RAB11FIP1: variants seen among roughly 807,000 people sequenced by gnomAD.
The protein encoded by RAB11FIP1 is rab11 family-interacting protein 1.
Under a neutral mutation model 83.1 loss-of-function variants are expected in RAB11FIP1, and 49 were observed. The observed-to-expected ratio is 0.59, with a 90% CI of 0.47 to 0.75. RAB11FIP1 has a LOEUF of 0.75. Among genes scored for constraint, RAB11FIP1 ranks in the 30% least tolerant of loss-of-function variants. The pLI, the probability that RAB11FIP1 is intolerant of heterozygous loss-of-function variation, is 0.00. For synonymous variants in RAB11FIP1, 670 were observed against 656.0 expected (o/e 1.02, Z -0.33); for missense variants, 1,536 against 1,598.7 (o/e 0.96, Z 0.67).
At chr8:37,878,756 T>C (rs2130165454) in intron 1 of RAB11FIP1, among the ~76,000 whole-genome samples, 1 of 150,282 alleles carries the variant, frequency 6.7e-6, no homozygotes, top group African/African-American at 2.4e-5. Flanking sequence ...TCCCAGAGAT[T>C]TGGGAGCCTG....
At position 37,862,685 on chromosome 8, in the gene RAB11FIP1, T is replaced by G. The variant is rs1563364049; in HGVS notation, c.*210A>C. 7 of 523,206 alleles carry G rather than the reference T, an allele frequency of 1.3e-5. No individual in the cohort carries two copies. The allele number at this position is 523,206 out of a possible 1,614,324, so 32.4% of individuals were successfully genotyped here. A position where few individuals can be genotyped will look rare whatever the true frequency, so the allele number is the denominator to read the frequency against. ...ACCTTGTTAAAGGCACAGTGGCATT[T>G]AAAACTAAAGCCTTGGGAATGTACA... On this transcript the variant is annotated 3_prime_UTR_variant, in exon 6 of 6. Coordinates refer to ENST00000330843, the MANE Select transcript of RAB11FIP1 (RefSeq NM_001002814.3).
rs1807155628 is a variant in RAB11FIP1 at position 37,899,046 on chromosome 8, C to A, written c.371+25G>T. 5.5e-6 allele frequency: 8 copies of A among 1,449,170 alleles called. No homozygotes were observed. The highest frequency in any genetic ancestry group is 2.8e-5 in the East Asian group (1 of 35,556). The allele number at this position is 1,449,170 out of a possible 1,614,324, so 89.8% of individuals were successfully genotyped here. A position where few individuals can be genotyped will look rare whatever the true frequency, so the allele number is the denominator to read the frequency against. On this transcript the variant is annotated intron_variant, in intron 1 of 5. Transcript: ENST00000330843. The surrounding 1 kb of genome is among the most constrained non-coding windows in gnomAD (Gnocchi z 4.5). Reference sequence around the variant, plus strand: ...GAGGGGTCCGCGCCCCCAGGCCGGGCCCTCCCCTCCCCGCCCGCACTCACT... The same window carrying A: ...GAGGGGTCCGCGCCCCCAGGCCGGGACCTCCCCTCCCCGCCCGCACTCACT...
chr8:37,862,753 G>C lies in RAB11FIP1; in HGVS notation c.*142C>G. On this transcript the variant is annotated 3_prime_UTR_variant, in exon 6 of 6. Coordinates refer to ENST00000330843, the MANE Select transcript of RAB11FIP1 (RefSeq NM_001002814.3). ...ATCATTAACCTGGCTTCCATTGGTA[G>C]AATTCACTCTTGCCGGATAACATGT... The C allele has an allele frequency of 1.5e-6, 1 of 646,448 alleles. No homozygotes were observed. Among genetic ancestry groups the C allele is most frequent in the Non-Finnish European group, 2.7e-6 (1 of 366,380 alleles). 40.0% of individuals were successfully genotyped at this position (646,448 alleles called of 1,614,324 possible).
In RAB11FIP1 at chr8:37,874,519, G is replaced by T. The variant is rs754430405; in HGVS notation, c.1618C>A (p.Pro540Thr). 8.7e-6 allele frequency: 14 copies of T among 1,613,634 alleles called. No individual in the cohort carries two copies. In the East Asian group the frequency reaches 3.1e-4, roughly 36 times the overall value. Residue 540 changes from proline (P) to threonine (T), a missense_variant, in exon 3 of 6, where the codon CCC (proline) becomes ACC (threonine). By Grantham distance (38) the Pro-to-Thr change is conservative (BLOSUM62 -1). Transcript: ENST00000330843. ...PRAPQTRAVKPRLEVSPEAQP... is the reference protein window; with the variant it reads ...PRAPQTRAVKTRLEVSPEAQP... The stretch of plus-strand genomic sequence containing the variant: ...ACGAGAAGAGCCAAAACTCACCGGG[G>T]CTTGACAGCTCTGGTCTGGGGAGCC...
rs1194546011 is a variant in RAB11FIP1 at position 37,872,441 on chromosome 8, C to A, written c.2361G>T (p.Met787Ile). 2 of 1,614,170 alleles carry A rather than the reference C, an allele frequency of 1.2e-6. No individual in the cohort carries two copies. Among genetic ancestry groups the A allele is most frequent in the East Asian group, 2.2e-5 (1 of 44,880 alleles). ...MGASVPSIDS[M>I]MRKLEEMGLN... ...GACCCATCTCTTCCAGCTTCCGCAT[C>A]ATGGAATCAATGGAAGGGACTGATG... The change falls in exon 4 of 6, where the codon ATG becomes ATT. Residue 787 changes from methionine to isoleucine, a missense_variant. By Grantham distance (10) the Met-to-Ile change is conservative (BLOSUM62 1). Coordinates refer to ENST00000330843, the MANE Select transcript of RAB11FIP1 (RefSeq NM_001002814.3).
At chr8:37,891,022 C>T (rs1451687550) in intron 1 of RAB11FIP1, among the ~76,000 whole-genome samples, 1 of 152,174 alleles carries the variant, frequency 6.6e-6, no homozygotes, top group Admixed American at 6.5e-5. Context: ...CGCTGGGTAA[C>T]ACAGCAAAGG....
rs558553991 is a variant in RAB11FIP1 at position 37,871,193 on chromosome 8, T to C, written c.3524+85A>G. 9.3e-6 allele frequency: 14 copies of C among 1,500,770 alleles called. No homozygotes were observed. The South Asian group carries it at 1.5e-4, about 16-fold the overall frequency. 93.0% of individuals were successfully genotyped at this position (1,500,770 alleles called of 1,614,324 possible). On this transcript the variant is annotated intron_variant, in intron 4 of 5. Transcript: ENST00000330843. Reference sequence around the variant, plus strand: ...TGGGTTGTCACATCAGACGTCTGTGTGGTTAGAAAGCCGTAACCTCTGCAG... The same window carrying C: ...TGGGTTGTCACATCAGACGTCTGTGCGGTTAGAAAGCCGTAACCTCTGCAG...
At chr8:37,889,111 T>C (rs963824613) in intron 1 of RAB11FIP1, among the ~76,000 whole-genome samples, 2 of 152,150 alleles carry the variant, frequency 1.3e-5, no homozygotes, top group African/African-American at 4.8e-5. Flanking sequence ...TTTCCGCAAC[T>C]TATTGAGAGA....
chr8:37,873,942 C>T (rs926272012), intron 3 of RAB11FIP1, among the ~76,000 whole-genome samples: 2 of 151,870 alleles, frequency 1.3e-5, no homozygotes, highest in Non-Finnish European at 2.9e-5. Context: ...CTCCCCAGAC[C>T]GCAGAAATAT....
rs767385127 is a variant in RAB11FIP1 at position 37,899,418 on chromosome 8, G to A, written c.24C>T (p.Gly8=). Residue 8 remains glycine (G), a synonymous_variant, in exon 1 of 6, where the codon GGC becomes GGT. Transcript: ENST00000330843. The surrounding 1 kb of genome is among the most constrained non-coding windows in gnomAD (Gnocchi z 4.5). MSLMVSA[G]RGLGAVWSPT... ...GGGACCACACGGCCCCCAGGCCCCGGCCAGCCGAGACCATTAGGGACATGG... is the reference window on the plus strand; with the variant it reads ...GGGACCACACGGCCCCCAGGCCCCGACCAGCCGAGACCATTAGGGACATGG... 2 of 1,579,110 alleles carry A rather than the reference G, an allele frequency of 1.3e-6. No individual in the cohort carries two copies. Among genetic ancestry groups the A allele is most frequent in the Admixed American group, 1.8e-5 (1 of 55,536 alleles).
Position 37,874,879 on chromosome 8 carries a change from T to G in RAB11FIP1, c.1258A>C (p.Thr420Pro), listed in dbSNP as rs1035051325. ...TTCTTGCTCTCCTTAGCTTCTTTTG[T>G]GGCCTCTGAGTTTGCGGGGGCCATG... ...ENMAPANSEA[T>P]KEAKESKKPE... Residue 420 changes from threonine to proline, a missense_variant, in exon 3 of 6, where the codon ACA (threonine) becomes CCA (proline). Physicochemically the swap from Thr to Pro is conservative, Grantham distance 38. Coordinates refer to ENST00000330843, the MANE Select transcript of RAB11FIP1 (RefSeq NM_001002814.3). 1.5e-5 allele frequency: 24 copies of G among 1,614,054 alleles called. No homozygotes were observed. The highest frequency in any genetic ancestry group is 3.3e-4 in the Middle Eastern group (2 of 6,084).
chr8:37,866,334 C>CAA (rs112800499), intron 5 of RAB11FIP1, among the ~76,000 whole-genome samples: 1 of 119,462 alleles, frequency 8.4e-6, no homozygotes. Context: ...GACCCCATCT[C>CAA]AAAAAAAAAA....
intron 1 of RAB11FIP1, among the ~76,000 whole-genome samples, chr8:37,889,134 T>C (rs1404331188): frequency 6.6e-6 from 1 of 152,054 alleles, no homozygotes; most frequent in Non-Finnish European, 1.5e-5. Flanking sequence ...TCATGATCCT[T>C]ATGGACCCCT....
At chr8:37,883,053 C>T (rs1413140448) in intron 1 of RAB11FIP1, among the ~76,000 whole-genome samples, 1 of 152,150 alleles carries the variant, frequency 6.6e-6, no homozygotes, top group African/African-American at 2.4e-5. Context: ...GGATATGAAA[C>T]AGGCTGAATC....
chr8:37,898,820 TAAA>T (rs770267245), intron 1 of RAB11FIP1, among the ~76,000 whole-genome samples: 3 of 84,252 alleles, frequency 3.6e-5, no homozygotes, highest in Non-Finnish European at 4.9e-5. Flanking sequence ...AGACTCTGTC[TAAA>T]AAAAAAAAAA....
At chr8:37,879,379 C>T (rs1485502772) in intron 1 of RAB11FIP1, among the ~76,000 whole-genome samples, 2 of 151,954 alleles carry the variant, frequency 1.3e-5, no homozygotes, top group Non-Finnish European at 2.9e-5. Context: ...TATGAGTCCA[C>T]TTATGTGAGG....
chr8:37,899,292 C>G lies in RAB11FIP1; in HGVS notation c.150G>C (p.Glu50Asp), dbSNP rs1807167134. Residue 50 changes from glutamate to aspartate, a missense_variant, in exon 1 of 6, where the codon GAG becomes GAC. Coordinates refer to ENST00000330843, the MANE Select transcript of RAB11FIP1 (RefSeq NM_001002814.3). This position sits in a 1 kb window ranked among gnomAD's most constrained non-coding sequence, Gnocchi z 4.5. ...GCTCCGACACGGAGGTGGCGTACTT[C>G]TCCTTGCCCACCTGGATCACCGCGT... ...DAYAVIQVGK[E>D]KYATSVSERS... 1 of 1,609,780 alleles carries G rather than the reference C, an allele frequency of 6.2e-7. No individual in the cohort carries two copies. The highest frequency in any genetic ancestry group is 2.2e-5 in the East Asian group (1 of 44,790).
Position 37,860,638 on chromosome 8 carries a change from C to A in RAB11FIP1, c.*2257G>T, listed in dbSNP as rs1432627884. 6.6e-6 allele frequency: 1 copy of A among 152,548 alleles called. No individual in the cohort carries two copies. The allele number at this position is 152,548 out of a possible 1,614,324, so 9.4% of individuals were successfully genotyped here. A position where few individuals can be genotyped will look rare whatever the true frequency, so the allele number is the denominator to read the frequency against. On this transcript the variant is annotated 3_prime_UTR_variant, in exon 6 of 6. Coordinates refer to ENST00000330843, the MANE Select transcript of RAB11FIP1 (RefSeq NM_001002814.3). ...CTGGGATTACAGGCGTGAGCCACCG[C>A]GTCCAGCCATACATGTACATTTTCA...
rs1157101966 is a variant in RAB11FIP1, at chr8:37,895,218, AATATATATATATATATATATATATAT to A, written c.371+3827_371+3852del. ...ATAGCTGGGACTACAGGTGCCTGCCAATATATATATATATATATATATATATATATATATATATATATTTTTTTTTT... is the reference window on the plus strand; with the variant it reads ...ATAGCTGGGACTACAGGTGCCTGCCAATATATATATATATATTTTTTTTTT... On this transcript the variant is annotated intron_variant, in intron 1 of 5. Coordinates refer to ENST00000330843, the MANE Select transcript of RAB11FIP1 (RefSeq NM_001002814.3). Among the ~76,000 whole-genome samples the A allele has an allele frequency of 3.4e-3, 47 of 13,706 alleles. 1 individual carries two copies. Among genetic ancestry groups the A allele is most frequent in the East Asian group, 0.025 (7 of 284 alleles). 9.0% of individuals were successfully genotyped at this position (13,706 alleles called of 152,430 possible).
Sources: allele counts gnomAD v4.1 joint callset (sites outside exome capture counted in the v4.1 genomes callset), GRCh38; gene constraint gnomAD v4.1.1; non-coding constraint Gnocchi (gnomAD v3.1); transcripts MANE v1.5; gene names NCBI Gene and HGNC (gene_info 2026-07-23, HGNC 2026-07-21).